PHACTR3: variants seen among roughly 807,000 people sequenced by gnomAD.
PHACTR3 encodes the protein protein phosphatase 1, regulatory subunit 123.
PHACTR3 carries 16 observed loss-of-function variants against 66.8 expected under a neutral mutation model. The ratio of observed to expected loss-of-function variants is 0.24; its 90% CI spans 0.16 to 0.36. The LOEUF (loss-of-function observed/expected upper bound fraction) is 0.36. Among genes scored for constraint, PHACTR3 ranks in the 10% least tolerant of loss-of-function variants. The pLI, the probability that PHACTR3 is intolerant of heterozygous loss-of-function variation, is 1.00. For synonymous variants in PHACTR3, 323 were observed against 292.1 expected (o/e 1.11, Z -1.08); for missense variants, 647 against 719.9 (o/e 0.90, Z 1.16).
chr20:59,723,653 G>A (rs981775049), intron 1 of PHACTR3, among the ~76,000 whole-genome samples: 9 of 152,002 alleles, frequency 5.9e-5, no homozygotes, highest in African/African-American at 1.4e-4. Flanking sequence ...CCCAGTCTTC[G>A]GGGCAAGCTC....
At chr20:59,682,964 CA>C (rs1317097601) in intron 1 of PHACTR3, among the ~76,000 whole-genome samples, 1 of 152,182 alleles carries the variant, frequency 6.6e-6, no homozygotes, top group Admixed American at 6.5e-5. Flanking sequence ...TATGATTCAT[CA>C]AATAACTTGA....
intron 7 of PHACTR3, among the ~76,000 whole-genome samples, chr20:59,798,929 T>C (rs1157539302): frequency 6.6e-6 from 1 of 152,120 alleles, no homozygotes; most frequent in East Asian, 1.9e-4. Flanking sequence ...TCTTCTTTTT[T>C]AATATTGGCA....
chr20:59,808,427 C>T (rs192362132), intron 8 of PHACTR3, among the ~76,000 whole-genome samples: 27 of 152,296 alleles, frequency 1.8e-4, no homozygotes, highest in African/African-American at 5.1e-4. Flanking sequence ...TCAGGTGCAC[C>T]GTCCCAGGAG....
intron 3 of PHACTR3, among the ~76,000 whole-genome samples, chr20:59,751,043 G>A (rs571173292): frequency 6.6e-6 from 1 of 152,358 alleles, no homozygotes; most frequent in Non-Finnish European, 1.5e-5. Context: ...AATTGTTGGC[G>A]GTGGCTGTGC....
chr20:59,806,242 A>C, intron 8 of PHACTR3, 48 bp downstream of exon 8: 1 of 1,589,526 alleles, frequency 6.3e-7, no homozygotes. Flanking sequence ...CTGGCCTTGC[A>C]GGCGGAGCCC....
At chr20:59,612,429 C>T (rs866510426) in intron 1 of PHACTR3, among the ~76,000 whole-genome samples, 41 of 151,794 alleles carry the variant, frequency 2.7e-4, no homozygotes, top group African/African-American at 9.0e-4. Context: ...GACGCCATCT[C>T]GGCTCACTGT....
chr20:59,829,538 T>A lies in PHACTR3; in HGVS notation c.1329-6967T>A, dbSNP rs1391932954. Among the ~76,000 whole-genome samples the A allele has an allele frequency of 1.3e-5, 2 of 152,262 alleles. No homozygotes were observed. The highest frequency in any genetic ancestry group is 2.4e-5 in the African/African-American group (1 of 41,480). On this transcript the variant is annotated intron_variant, in intron 8 of 12. Coordinates refer to ENST00000371015, the MANE Select transcript of PHACTR3 (RefSeq NM_080672.5). This position sits in a 1 kb window ranked among gnomAD's most constrained non-coding sequence, Gnocchi z 4.2. ...CCTGGGGGCAAGCAGACGAGACATC[T>A]GCCCCATTCACCATCAGATGTCTGA...
At chr20:59,689,014 G>C (rs891726333) in intron 1 of PHACTR3, among the ~76,000 whole-genome samples, 3 of 152,180 alleles carry the variant, frequency 2.0e-5, no homozygotes, top group African/African-American at 7.2e-5. Context: ...GCACATATTT[G>C]CATCCTGTGT....
chr20:59,813,760 G>C (rs891227738), intron 8 of PHACTR3, among the ~76,000 whole-genome samples: 2 of 152,054 alleles, frequency 1.3e-5, no homozygotes, highest in African/African-American at 2.4e-5. Flanking sequence ...AGAGGGAGAA[G>C]ACTGGAGGGG....
intron 1 of PHACTR3, among the ~76,000 whole-genome samples, chr20:59,737,074 G>GGAC (rs2038969496): frequency 6.6e-6 from 1 of 152,104 alleles, no homozygotes. Context: ...TCTGAATCAG[G>GGAC]TTCAAGTCCC....
At chr20:59,796,804 G>A (rs1164015624) in intron 7 of PHACTR3, among the ~76,000 whole-genome samples, 1 of 152,076 alleles carries the variant, frequency 6.6e-6, no homozygotes. Flanking sequence ...CCTTTTGGTG[G>A]TTTGATTATG....
intron 7 of PHACTR3, among the ~76,000 whole-genome samples, chr20:59,805,082 G>A (rs570036534): frequency 4.6e-5 from 7 of 152,308 alleles, no homozygotes; most frequent in African/African-American, 1.7e-4. Flanking sequence ...CAGGGCAGGT[G>A]GGGACTGTGC....
At chr20:59,740,651 G>A (rs2039119669) in intron 1 of PHACTR3, among the ~76,000 whole-genome samples, 1 of 151,330 alleles carries the variant, frequency 6.6e-6, no homozygotes, top group African/African-American at 2.4e-5. Context: ...TATCAGGGAT[G>A]ATTATCATGG....
At chr20:59,650,653 A>G (rs1448262935) in intron 1 of PHACTR3, among the ~76,000 whole-genome samples, 4 of 150,132 alleles carry the variant, frequency 2.7e-5, no homozygotes, top group African/African-American at 4.9e-5. Context: ...TGACTCAGCA[A>G]TGCTTCTCCA....
intron 7 of PHACTR3, among the ~76,000 whole-genome samples, chr20:59,784,506 G>T (rs2040839285): frequency 6.6e-6 from 1 of 152,086 alleles, no homozygotes; most frequent in Non-Finnish European, 1.5e-5. Flanking sequence ...AGGAGTCCTG[G>T]TCATCAAGGT....
chr20:59,690,690 T>G (rs1443734973), intron 1 of PHACTR3, among the ~76,000 whole-genome samples: 1 of 152,182 alleles, frequency 6.6e-6, no homozygotes, highest in African/African-American at 2.4e-5. Context: ...ACTGGCTGGA[T>G]GAAGCATCTC....
At chr20:59,784,996 G>A (rs1384735449) in intron 7 of PHACTR3, among the ~76,000 whole-genome samples, 1 of 132,580 alleles carries the variant, frequency 7.5e-6, no homozygotes, top group Non-Finnish European at 1.6e-5. Context: ...CTTGGAAAGG[G>A]CCCCAGGACT....
chr20:59,620,474 T>C (rs1276450012), intron 1 of PHACTR3, among the ~76,000 whole-genome samples: 2 of 152,230 alleles, frequency 1.3e-5, no homozygotes, highest in Non-Finnish European at 2.9e-5. Flanking sequence ...AACAGTTCCT[T>C]AGTGTCTTCA....
chr20:59,785,782 A>C (rs1484300521), intron 7 of PHACTR3, among the ~76,000 whole-genome samples: 1 of 152,204 alleles, frequency 6.6e-6, no homozygotes, highest in Non-Finnish European at 1.5e-5. Context: ...TGTCCCTGGC[A>C]TGTTGCACCA....
Sources: allele counts gnomAD v4.1 joint callset (sites outside exome capture counted in the v4.1 genomes callset), GRCh38; gene constraint gnomAD v4.1.1; non-coding constraint Gnocchi (gnomAD v3.1); transcripts MANE v1.5; gene names NCBI Gene and HGNC (gene_info 2026-07-23, HGNC 2026-07-21).